Variants in SH3PXD2A observed in about 807,000 individuals in gnomAD.
The protein encoded by SH3PXD2A is SH3 and PX domain-containing protein 2A.
SH3PXD2A carries 32 observed loss-of-function variants against 115.2 expected under a neutral mutation model. That is an observed-to-expected ratio of 0.28 (90% CI 0.21 to 0.37). SH3PXD2A has a LOEUF of 0.37. SH3PXD2A is among the 10% of genes least tolerant of loss of function. The pLI is 1.00. For missense variants in SH3PXD2A, 1,328 were observed against 1,498.7 expected, an observed-to-expected ratio of 0.89 and a Z score of 1.88; for synonymous variants, 610 against 629.1, an observed-to-expected ratio of 0.97 and a Z score of 0.45.
intron 4 of SH3PXD2A, among the ~76,000 whole-genome samples, chr10:103,732,764 A>ATG (rs1177482923): frequency 6.6e-6 from 1 of 152,240 alleles, no homozygotes; most frequent in African/African-American, 2.4e-5. Context: ...CAGGTGGGCT[A>ATG]TGCAGGGCAC....
chr10:103,671,518 C>T (rs2037459253), intron 6 of SH3PXD2A, among the ~76,000 whole-genome samples: 1 of 152,146 alleles, frequency 6.6e-6, no homozygotes, highest in South Asian at 2.1e-4. Flanking sequence ...GATTTATTTC[C>T]CAGTCCCCTG....
At chr10:103,633,589 G>A (rs1178501235) in intron 8 of SH3PXD2A, among the ~76,000 whole-genome samples, 2 of 151,724 alleles carry the variant, frequency 1.3e-5, no homozygotes, top group Admixed American at 1.3e-4. Context: ...TTAGCCAGGT[G>A]TGGTGGCGGA....
intron 3 of SH3PXD2A, among the ~76,000 whole-genome samples, chr10:103,742,345 C>T (rs2038453267): frequency 6.6e-6 from 1 of 152,180 alleles, no homozygotes; most frequent in Non-Finnish European, 1.5e-5. Context: ...CTTTACATGG[C>T]CTTCCCGCCC....
chr10:103,782,796 G>A (rs1226725555), intron 2 of SH3PXD2A, among the ~76,000 whole-genome samples: 2 of 130,140 alleles, frequency 1.5e-5, no homozygotes, highest in African/African-American at 3.1e-5. Flanking sequence ...CAGGAGTTCA[G>A]CCTGAGCAAC....
intron 1 of SH3PXD2A, among the ~76,000 whole-genome samples, chr10:103,827,620 C>T (rs10883919): frequency 0.17 from 26,004 of 152,070 alleles, 3,005 homozygotes; most frequent in East Asian, 0.45. Context: ...ATTCTCAGTG[C>T]ACCGTGACTT....
At chr10:103,699,743 C>A (rs934264638) in intron 5 of SH3PXD2A, among the ~76,000 whole-genome samples, 3 of 152,232 alleles carry the variant, frequency 2.0e-5, no homozygotes, top group Admixed American at 6.5e-5. Flanking sequence ...TCTCTGCCCC[C>A]ATTTGCTCCC....
At chr10:103,661,427 CT>C (rs944957491) in intron 7 of SH3PXD2A, among the ~76,000 whole-genome samples, 8 of 152,226 alleles carry the variant, frequency 5.3e-5, no homozygotes, top group African/African-American at 1.9e-4. Flanking sequence ...AGAAAGAAGC[CT>C]TGTGCTGCGA....
chr10:103,728,121 C>A (rs2038265294), intron 4 of SH3PXD2A, among the ~76,000 whole-genome samples: 1 of 152,178 alleles, frequency 6.6e-6, no homozygotes, highest in South Asian at 2.1e-4. Flanking sequence ...GCCTCAGAGC[C>A]TCAGGGCCTC....
intron 1 of SH3PXD2A, among the ~76,000 whole-genome samples, chr10:103,830,387 A>G (rs995447384): frequency 3.3e-5 from 5 of 152,354 alleles, no homozygotes; most frequent in Middle Eastern, 3.4e-3. Flanking sequence ...TCTTCCGGGT[A>G]TTACCAAGTG....
intron 5 of SH3PXD2A, among the ~76,000 whole-genome samples, chr10:103,695,484 G>A (rs1592305682): frequency 6.6e-6 from 1 of 150,574 alleles, no homozygotes; most frequent in Admixed American, 6.6e-5. Context: ...ACTCCAGCCT[G>A]AGTGACAAGT....
At chr10:103,720,392 G>A (rs933275520) in intron 5 of SH3PXD2A, among the ~76,000 whole-genome samples, 12 of 152,186 alleles carry the variant, frequency 7.9e-5, no homozygotes, top group Non-Finnish European at 1.3e-4. Context: ...CTGGCTCTCC[G>A]CCTGCAGAAG....
intron 2 of SH3PXD2A, among the ~76,000 whole-genome samples, chr10:103,795,302 C>G (rs374043846): frequency 6.6e-6 from 1 of 152,076 alleles, no homozygotes; most frequent in Non-Finnish European, 1.5e-5. Flanking sequence ...TTAAAGCCTC[C>G]GTACCTGGGG....
intron 9 of SH3PXD2A, among the ~76,000 whole-genome samples, chr10:103,626,736 G>C (rs1205011699): frequency 6.6e-6 from 1 of 151,240 alleles, no homozygotes; most frequent in Non-Finnish European, 1.5e-5. Context: ...AGACCAGCCT[G>C]GCCAACATGG....
At chr10:103,719,526 C>A (rs2038152212) in intron 5 of SH3PXD2A, among the ~76,000 whole-genome samples, 1 of 152,118 alleles carries the variant, frequency 6.6e-6, no homozygotes. Context: ...TGAGACCCTG[C>A]TCTGGGACAT....
intron 5 of SH3PXD2A, among the ~76,000 whole-genome samples, 153 bp downstream of exon 5, chr10:103,724,117 G>A (rs1178469724): frequency 1.3e-5 from 2 of 152,164 alleles, no homozygotes; most frequent in South Asian, 2.1e-4. Flanking sequence ...GGGGAATAAT[G>A]TCCCCCATTC....
intron 13 of SH3PXD2A, among the ~76,000 whole-genome samples, chr10:103,606,629 C>T (rs1383040192): frequency 3.3e-5 from 5 of 151,990 alleles, no homozygotes; most frequent in Non-Finnish European, 2.9e-5. Flanking sequence ...CGAGTGCCTG[C>T]GATTGCAGGC....
At position 103,603,671 on chromosome 10, in the gene SH3PXD2A, G is replaced by C; in HGVS notation, c.1547C>G (p.Thr516Arg). The change falls in exon 15 of 15, where the codon ACG becomes AGG. Residue 516 changes from threonine to arginine, a missense_variant. Thr to Arg is a moderately conservative substitution (Grantham distance 71, BLOSUM62 -1). Around this residue, in one of 5 missense-constraint regions of SH3PXD2A, gnomAD observed 509 missense variants for 628.3 expected, o/e 0.81. Transcript: ENST00000369774. ...CGGGGGCACCTTGGGCCGGGTCAGC[G>C]TGCTTGTGCGGCGGCTCAGGTTGGG... ...KKPNLSRRTS[T>R]LTRPKVPPPA... The C allele has an allele frequency of 6.2e-7, 1 of 1,607,452 alleles. No individual in the cohort carries two copies. Among genetic ancestry groups the C allele is most frequent in the Non-Finnish European group, 8.5e-7 (1 of 1,177,670 alleles).
chr10:103,628,305 G>A (rs371223188), intron 8 of SH3PXD2A, among the ~76,000 whole-genome samples: 9 of 152,196 alleles, frequency 5.9e-5, no homozygotes, highest in Non-Finnish European at 1.2e-4. Context: ...ACAGGTCTGG[G>A]CTTGCAAACA....
chr10:103,778,224 T>C (rs931841153), intron 2 of SH3PXD2A, among the ~76,000 whole-genome samples: 2 of 151,848 alleles, frequency 1.3e-5, no homozygotes, highest in African/African-American at 4.8e-5. Context: ...TCCCAGCTAC[T>C]CGGGAGGCTG....
Sources: allele counts gnomAD v4.1 joint callset (sites outside exome capture counted in the v4.1 genomes callset), GRCh38; gene constraint gnomAD v4.1.1; regional missense constraint gnomAD v4.1.1; transcripts MANE v1.5; gene names NCBI Gene and HGNC (gene_info 2026-07-23, HGNC 2026-07-21).